Variants in NUP62CL observed in about 807,000 individuals in gnomAD.
The protein encoded by NUP62CL is nucleoporin 62 C-terminal like, also known as nucleoporin-62 C-terminal-like protein.
Under a neutral mutation model 15.3 loss-of-function variants are expected in NUP62CL, and 13 were observed. The observed-to-expected ratio is 0.85, with a 90% CI of 0.55 to 1.35. NUP62CL has a LOEUF of 1.35. NUP62CL is among the 40% of genes most tolerant of loss of function. The pLI is 0.00. For synonymous variants in NUP62CL, 54 were observed against 49.2 expected (o/e 1.10, Z -0.41); for missense variants, 123 against 130.6 (o/e 0.94, Z 0.28).
At chrX:107,180,388 A>G (rs1455378854) in intron 2 of NUP62CL, among the ~76,000 whole-genome samples, 1 of 112,118 alleles carries the variant, frequency 8.9e-6, no homozygotes, top group African/African-American at 3.2e-5. Flanking sequence ...GATTATGTAA[A>G]CAACCCAAAT....
At chrX:107,204,576 AC>A (rs1212367594) in intron 1 of NUP62CL, among the ~76,000 whole-genome samples, 1 of 110,414 alleles carries the variant, frequency 9.1e-6, no homozygotes, top group Non-Finnish European at 1.9e-5. Context: ...ACACCTGTGC[AC>A]TTGACACTGT....
At chrX:107,137,662 C>A (rs1194213865) in intron 8 of NUP62CL, among the ~76,000 whole-genome samples, 3 of 111,662 alleles carry the variant, frequency 2.7e-5, no homozygotes, top group Non-Finnish European at 3.8e-5. Context: ...ATAAATCTAA[C>A]AAAACCAAAA....
chrX:107,203,644 T>G (rs1363107439), intron 1 of NUP62CL, among the ~76,000 whole-genome samples: 3 of 111,269 alleles, frequency 2.7e-5, no homozygotes, highest in African/African-American at 6.6e-5. Context: ...AATATTAGGT[T>G]GCTGTTAATA....
chrX:107,149,643 A>C (rs1003127693), intron 7 of NUP62CL, among the ~76,000 whole-genome samples: 2 of 112,381 alleles, frequency 1.8e-5, no homozygotes, highest in Non-Finnish European at 3.8e-5. Flanking sequence ...AAAAAATGGT[A>C]ATGTGTATGT....
At chrX:107,141,654 C>A (rs1379320295) in intron 8 of NUP62CL, among the ~76,000 whole-genome samples, 1 of 111,867 alleles carries the variant, frequency 8.9e-6, no homozygotes, top group Non-Finnish European at 1.9e-5. Flanking sequence ...AGATTCTATT[C>A]TAGAAGACGA....
At chrX:107,156,742 C>G (rs375808827) in intron 4 of NUP62CL, among the ~76,000 whole-genome samples, 1 of 103,298 alleles carries the variant, frequency 9.7e-6, no homozygotes, top group African/African-American at 3.6e-5. Context: ...TCCAAAGGAA[C>G]GCAGTTCCTC....
At chrX:107,183,977 C>T (rs1926977475) in intron 2 of NUP62CL, among the ~76,000 whole-genome samples, 1 of 110,224 alleles carries the variant, frequency 9.1e-6, no homozygotes, top group South Asian at 4.0e-4. Flanking sequence ...GGCAGGAATC[C>T]CCACTCCACC....
Position 107,161,789 on chromosome X carries a change from T to A in NUP62CL, c.194+5860A>T, listed in dbSNP as rs753056129. ...TTAAAGTATAATTTAAAAAAAATAA[T>A]AATAATAATAGTAATAATAATAAAA... On this transcript the variant is annotated intron_variant, in intron 4 of 8. Transcript: ENST00000372466. Among the ~76,000 whole-genome samples the A allele has an allele frequency of 2.0e-3, 191 of 95,693 alleles. 1 individual carries two copies. Among genetic ancestry groups the A allele is most frequent in the African/African-American group, 7.1e-3 (179 of 25,221 alleles). The allele number at this position is 95,693 out of a possible 115,157, so 83.1% of individuals were successfully genotyped here. A position where few individuals can be genotyped will look rare whatever the true frequency, so the allele number is the denominator to read the frequency against.
intron 7 of NUP62CL, among the ~76,000 whole-genome samples, chrX:107,151,935 C>A (rs1926019672): frequency 9.8e-6 from 1 of 102,030 alleles, no homozygotes; most frequent in African/African-American, 3.6e-5. Flanking sequence ...GACGCTGAGG[C>A]AGAAGAATCG....
At chrX:107,124,397 G>A (rs745623972) in intron 8 of NUP62CL, 65 bp from the exon 9 acceptor site, 61 of 327,760 alleles carry the variant, frequency 1.9e-4, no homozygotes, top group African/African-American at 1.1e-3. Context: ...CATAATTTAC[G>A]TATTCCTTTC....
intron 3 of NUP62CL, among the ~76,000 whole-genome samples, chrX:107,168,148 A>G (rs1274848016): frequency 8.9e-6 from 1 of 112,006 alleles, no homozygotes; most frequent in Non-Finnish European, 1.9e-5. Context: ...GCAATTTACA[A>G]AAGATCTCTG....
intron 1 of NUP62CL, among the ~76,000 whole-genome samples, chrX:107,196,528 G>A (rs768320588): frequency 6.2e-5 from 7 of 112,011 alleles, no homozygotes; most frequent in Non-Finnish European, 1.1e-4. Context: ...TGCAACCTCC[G>A]CCTCCCAGGT....
At chrX:107,154,772 A>G (rs180976419) in intron 4 of NUP62CL, among the ~76,000 whole-genome samples, 3 of 111,996 alleles carry the variant, frequency 2.7e-5, no homozygotes, top group East Asian at 5.6e-4. Context: ...GAGCCAGTCA[A>G]TGGTGATTCC....
At chrX:107,203,398 C>T (rs779135830) in intron 1 of NUP62CL, among the ~76,000 whole-genome samples, 1 of 109,116 alleles carries the variant, frequency 9.2e-6, no homozygotes, top group Non-Finnish European at 1.9e-5. Context: ...CACATGCCAC[C>T]AAGCCTGACT....
intron 4 of NUP62CL, among the ~76,000 whole-genome samples, chrX:107,154,463 AAGATTTATTAAGAAACCTACTAAAT>A (rs1318552769): frequency 9.0e-6 from 1 of 111,702 alleles, no homozygotes; most frequent in East Asian, 2.8e-4. Context: ...ATAGTAAATA[AAGATTTATTAAGAAACCTACTAAAT>A]CACAGCAAGA....
At chrX:107,141,612 G>A (rs1330357362) in intron 8 of NUP62CL, among the ~76,000 whole-genome samples, 6 of 111,639 alleles carry the variant, frequency 5.4e-5, no homozygotes, top group Admixed American at 9.5e-5. Context: ...AGAAAAAGAG[G>A]AAGTAAATGA....
rs1303189662 is a variant in NUP62CL, at chrX:107,132,299, A to G, written c.*43-7967T>C. 4 of 902,865 alleles carry G rather than the reference A, an allele frequency of 4.4e-6. No individual in the cohort carries two copies. In the East Asian group the frequency reaches 1.2e-4, roughly 28 times the overall value. The allele number at this position is 902,865 out of a possible 1,213,427, so 74.4% of individuals were successfully genotyped here. A position where few individuals can be genotyped will look rare whatever the true frequency, so the allele number is the denominator to read the frequency against. ...CACTCCTAGATGAAATGTTTCCCAT[A>G]ATAACTTGTCAAGAACTTTTTAGAG... On this transcript the variant is annotated intron_variant, in intron 8 of 8. Coordinates refer to ENST00000372466, the MANE Select transcript of NUP62CL (RefSeq NM_017681.3).
Position 107,123,724 on chromosome X carries a change from T to C in NUP62CL, c.*651A>G, listed in dbSNP as rs1925317201. 8.9e-6 allele frequency: 1 copy of C among 112,044 alleles called. No homozygotes were observed. The highest frequency in any genetic ancestry group is 9.5e-5 in the Admixed American group (1 of 10,559). 9.2% of individuals were successfully genotyped at this position (112,044 alleles called of 1,213,427 possible). On this transcript the variant is annotated 3_prime_UTR_variant, in exon 9 of 9. Coordinates refer to ENST00000372466, the MANE Select transcript of NUP62CL (RefSeq NM_017681.3). ...AACTTACCTTTCCTTAACCCTTTAA[T>C]AATAATCTACCCTAACTTTTCCTCC... is the stretch of plus-strand genomic sequence containing the variant.
intron 7 of NUP62CL, chrX:107,151,071 T>C: frequency 3.5e-6 from 1 of 282,881 alleles, no homozygotes; most frequent in Non-Finnish European, 7.0e-6. Context: ...TTGCCCTAAT[T>C]CCCCTGTCTT....
Sources: gnomAD v4.1 joint callset for allele counts (sites outside exome capture counted in the v4.1 genomes callset) on GRCh38, gnomAD v4.1.1 for gene constraint, MANE v1.5 for transcripts, NCBI Gene and HGNC (gene_info 2026-07-23, HGNC 2026-07-21) for gene names.